Variants in DENND4A observed in about 807,000 individuals in gnomAD.
The protein encoded by DENND4A is DENN domain containing 4A.
In DENND4A, 70 loss-of-function variants were observed where a neutral mutation model predicts 199.3. The observed-to-expected ratio is 0.35, with a 90% confidence interval of 0.29 to 0.43. The LOEUF is 0.43. Among genes scored for constraint, DENND4A ranks in the 20% least tolerant of loss-of-function variants. The pLI is 1.00. For synonymous variants in DENND4A, 686 were observed against 766.9 expected (o/e 0.89, Z 1.74); for missense variants, 1,723 against 2,255.8 (o/e 0.76, Z 4.78).
At chr15:65,693,018 AAC>A (rs1355132392) in intron 22 of DENND4A, among the ~76,000 whole-genome samples, 1 of 152,200 alleles carries the variant, frequency 6.6e-6, no homozygotes, top group African/African-American at 2.4e-5. Context: ...AAGAACAGGT[AAC>A]AGAGATTCTA....
At chr15:65,766,948 C>T (rs577996870) in intron 1 of DENND4A, among the ~76,000 whole-genome samples, 2 of 152,272 alleles carry the variant, frequency 1.3e-5, no homozygotes, top group South Asian at 4.1e-4. Context: ...AGCTGCTATT[C>T]CCTTGAGAAT....
intron 23 of DENND4A, among the ~76,000 whole-genome samples, chr15:65,684,065 G>A (rs552619442): frequency 1.3e-5 from 2 of 152,100 alleles, no homozygotes; most frequent in Non-Finnish European, 2.9e-5. Flanking sequence ...TCAGTATTTC[G>A]TTCTTTTGTA....
chr15:65,790,816 CAA>C (rs1259216741), intron 1 of DENND4A, among the ~76,000 whole-genome samples: 1 of 152,148 alleles, frequency 6.6e-6, no homozygotes, highest in African/African-American at 2.4e-5. Flanking sequence ...ATAACTTGCT[CAA>C]GAGTCCTTAC....
At chr15:65,746,116 G>T (rs984282390) in intron 4 of DENND4A, among the ~76,000 whole-genome samples, 2 of 151,438 alleles carry the variant, frequency 1.3e-5, no homozygotes, top group African/African-American at 4.9e-5. Context: ...ACTCCAGCCT[G>T]GGCGACAAGA....
At position 65,670,200 on chromosome 15, in the gene DENND4A, G is replaced by A; in HGVS notation, c.4465-12C>T. On this transcript the variant is annotated splice_polypyrimidine_tract_variant and intron_variant, in intron 25 of 32. Coordinates refer to ENST00000443035, the MANE Select transcript of DENND4A (RefSeq NM_001320835.1). The stretch of plus-strand genomic sequence containing the variant: ...CTTGAGATGAGAACCTGTGGGAGAA[G>A]ATAGCACTTTATAAAGAAAGCTGGT... 6.8e-7 allele frequency: 1 copy of A among 1,480,828 alleles called. No homozygotes were observed. The highest frequency in any genetic ancestry group is 9.0e-7 in the Non-Finnish European group (1 of 1,111,410). 91.7% of individuals were successfully genotyped at this position (1,480,828 alleles called of 1,614,324 possible). A position where few individuals can be genotyped will look rare whatever the true frequency, so the allele number is the denominator to read the frequency against.
intron 23 of DENND4A, among the ~76,000 whole-genome samples, chr15:65,683,171 C>A (rs1427598692): frequency 6.6e-6 from 1 of 152,134 alleles, no homozygotes; most frequent in Non-Finnish European, 1.5e-5. Flanking sequence ...TTGTGTAGAG[C>A]AGTAAAGCAA....
intron 1 of DENND4A, among the ~76,000 whole-genome samples, chr15:65,773,748 A>G (rs1300690912): frequency 6.6e-6 from 1 of 152,228 alleles, no homozygotes; most frequent in Non-Finnish European, 1.5e-5. Flanking sequence ...TGCTTCAAAC[A>G]TACACACACC....
chr15:65,671,132 A>G lies in DENND4A; in HGVS notation c.4464+660T>C, dbSNP rs560697538. Among the ~76,000 whole-genome samples the G allele has an allele frequency of 6.6e-5, 10 of 152,332 alleles. No homozygotes were observed. In the East Asian group the frequency reaches 1.7e-3, roughly 26 times the overall value. ...ACATTCACCAAAAAAGTATGCTTGC[A>G]TAGCAAAACTGATTGTGTTTATTAT... On this transcript the variant is annotated intron_variant, in intron 25 of 32. Transcript: ENST00000443035.
chr15:65,728,473 CTTTT>C (rs1200082945), intron 11 of DENND4A, among the ~76,000 whole-genome samples: 1 of 147,100 alleles, frequency 6.8e-6, no homozygotes, highest in Non-Finnish European at 1.5e-5. Flanking sequence ...ATTTCTTTTT[CTTTT>C]TTTCTTTTTC....
intron 4 of DENND4A, among the ~76,000 whole-genome samples, chr15:65,744,001 T>C (rs748674809): frequency 6.6e-6 from 1 of 152,168 alleles, no homozygotes; most frequent in Admixed American, 6.5e-5. Flanking sequence ...AAGGTCACTC[T>C]GAGTACTATG....
chr15:65,724,690 G>T (rs1339238662), intron 11 of DENND4A, among the ~76,000 whole-genome samples: 12 of 152,152 alleles, frequency 7.9e-5, no homozygotes, highest in Non-Finnish European at 1.3e-4. Context: ...TAAAAATAAA[G>T]ATAGGGCAAA....
chr15:65,685,889 ATC>A (rs2076761122), intron 23 of DENND4A, among the ~76,000 whole-genome samples: 1 of 151,740 alleles, frequency 6.6e-6, no homozygotes, highest in South Asian at 2.1e-4. Flanking sequence ...TCATCTATTC[ATC>A]TCTGTTTATG....
In DENND4A at chr15:65,702,497, G is replaced by C. The variant is rs763615792; in HGVS notation, c.2238C>G (p.Ala746=). 3 of 1,584,862 alleles carry C rather than the reference G, an allele frequency of 1.9e-6. No individual in the cohort carries two copies. The highest frequency in any genetic ancestry group is 2.6e-6 in the Non-Finnish European group (3 of 1,165,176). Residue 746 remains alanine (A), a synonymous_variant, in exon 17 of 33, where the codon GCC becomes GCG. Transcript: ENST00000443035. ...FRRTKQEIKS[A]HKIAKRYSSI... is the part of the protein sequence containing the mutation. ...AAGAGTACCTCTTTGCAATTTTATG[G>C]GCTGATTTAATTTCCTGGAAAAAAT... is the stretch of plus-strand genomic sequence containing the variant.
intron 4 of DENND4A, among the ~76,000 whole-genome samples, chr15:65,744,476 G>C (rs529521938): frequency 6.6e-6 from 1 of 152,126 alleles, no homozygotes; most frequent in East Asian, 1.9e-4. Context: ...CCTCCATGGG[G>C]TATCAACTCA....
At chr15:65,754,719 C>A (rs2076656730) in intron 3 of DENND4A, among the ~76,000 whole-genome samples, 1 of 152,140 alleles carries the variant, frequency 6.6e-6, no homozygotes, top group Admixed American at 6.5e-5. Context: ...TATGAGATAC[C>A]ATCTCACACC....
chr15:65,680,230 A>G (rs2076525500), intron 23 of DENND4A, among the ~76,000 whole-genome samples: 1 of 152,144 alleles, frequency 6.6e-6, no homozygotes, highest in Non-Finnish European at 1.5e-5. Context: ...CTCTCTTATG[A>G]CTACTTTGGA....
chr15:65,790,130 G>A (rs1474105862), intron 1 of DENND4A, among the ~76,000 whole-genome samples: 2 of 152,068 alleles, frequency 1.3e-5, no homozygotes, highest in African/African-American at 4.8e-5. Context: ...ATGTCATGTA[G>A]TCTCTTCTTC....
At chr15:65,760,602 T>C (rs2076829004) in intron 2 of DENND4A, among the ~76,000 whole-genome samples, 1 of 150,638 alleles carries the variant, frequency 6.6e-6, no homozygotes, top group African/African-American at 2.4e-5. Flanking sequence ...GAAAGAAGGG[T>C]AAGAGGCCGG....
intron 27 of DENND4A, 54 bp downstream of exon 27, chr15:65,669,725 A>G (rs1292261450): frequency 2.1e-6 from 3 of 1,459,888 alleles, no homozygotes. Flanking sequence ...TCATACTTCT[A>G]AAATATGTGT....
Sources: allele counts gnomAD v4.1 joint callset (sites outside exome capture counted in the v4.1 genomes callset), GRCh38; gene constraint gnomAD v4.1.1; transcripts MANE v1.5; gene names NCBI Gene and HGNC (gene_info 2026-07-23, HGNC 2026-07-21).